Variants in SEPTIN10 observed in about 807,000 individuals in gnomAD.
SEPTIN10 encodes septin 10, also known as septin-10.
A neutral mutation model predicts 54.8 loss-of-function variants in SEPTIN10; 66 were observed. That is an observed-to-expected ratio of 1.21 (90% CI 0.99 to 1.48). The LOEUF is 1.48. Ranked by LOEUF, SEPTIN10 falls within the 40% of genes most tolerant of loss-of-function variation. The pLI is 0.00. For missense variants in SEPTIN10, 620 were observed against 545.6 expected (o/e 1.14, Z -1.36); for synonymous variants, 161 against 181.0 (o/e 0.89, Z 0.89).
At chr2:109,562,097 C>T (rs1311983968) in intron 8 of SEPTIN10, among the ~76,000 whole-genome samples, 1 of 151,958 alleles carries the variant, frequency 6.6e-6, no homozygotes, top group Admixed American at 6.6e-5. Flanking sequence ...CCTATAGTCC[C>T]AGCTACTCAG....
intron 4 of SEPTIN10, among the ~76,000 whole-genome samples, chr2:109,584,636 A>C (rs1449223508): frequency 6.6e-6 from 1 of 152,180 alleles, no homozygotes; most frequent in East Asian, 1.9e-4. Context: ...TATTAAAACA[A>C]ATAGAGACAC....
chr2:109,564,448 T>C lies in SEPTIN10; in HGVS notation c.946A>G (p.Thr316Ala). 6.2e-7 allele frequency: 1 copy of C among 1,600,342 alleles called. No individual in the cohort carries two copies. The highest frequency in any genetic ancestry group is 8.5e-7 in the Non-Finnish European group (1 of 1,171,402). The change falls in exon 8 of 11, where the codon ACC (threonine) becomes GCC (alanine). Residue 316 changes from threonine (T) to alanine (A), a missense_variant. By Grantham distance (58) the Thr-to-Ala change is moderately conservative (BLOSUM62 0). Transcript: ENST00000397712. Reference protein sequence around the residue: ...NMEDLREQTHTRHYELYRRCK... With the variant: ...NMEDLREQTHARHYELYRRCK... ...CGCCTGTAAAGCTCATAGTGCCTGG[T>C]ATGGGTCTGCTCTCGCAGGTCCTCC... is the stretch of plus-strand genomic sequence containing the variant.
At chr2:109,552,857 G>T (rs565708383) in intron 9 of SEPTIN10, 4 of 425,090 alleles carry the variant, frequency 9.4e-6, no homozygotes, top group Non-Finnish European at 1.2e-5. Context: ...GAATTTCAAC[G>T]ATTAGTGACT....
intron 1 of SEPTIN10, among the ~76,000 whole-genome samples, chr2:109,604,179 A>G (rs1415543824): frequency 2.0e-4 from 30 of 147,440 alleles, no homozygotes; most frequent in African/African-American, 6.7e-4. Flanking sequence ...AAAAAAAAAA[A>G]GAATTAAAAA....
chr2:109,611,827 ACCACC>A (rs1699321073), intron 1 of SEPTIN10, among the ~76,000 whole-genome samples: 2 of 152,156 alleles, frequency 1.3e-5, no homozygotes, highest in Admixed American at 1.3e-4. Context: ...AAATAAGGAC[ACCACC>A]AAATGCTGGT....
chr2:109,545,829 G>A, intron 10 of SEPTIN10: 2 of 1,429,662 alleles, frequency 1.4e-6, no homozygotes, highest in Non-Finnish European at 1.8e-6. Flanking sequence ...CATTCATTTT[G>A]GCAAATACTG....
intron 1 of SEPTIN10, chr2:109,604,802 G>A (rs1697564163): frequency 6.6e-6 from 1 of 152,220 alleles, no homozygotes; most frequent in South Asian, 2.1e-4. Flanking sequence ...GAAAATCACA[G>A]TGAGCTCATC....
At chr2:109,593,574 T>G (rs2105965309) in intron 1 of SEPTIN10, among the ~76,000 whole-genome samples, 1 of 152,132 alleles carries the variant, frequency 6.6e-6, no homozygotes, top group East Asian at 1.9e-4. Context: ...CCTGGCTAAT[T>G]TTTGTATTTT....
chr2:109,547,301 G>A (rs903243077), intron 9 of SEPTIN10, among the ~76,000 whole-genome samples: 1 of 150,908 alleles, frequency 6.6e-6, no homozygotes, highest in African/African-American at 2.4e-5. Flanking sequence ...GAATGCAGTC[G>A]CCTCTTTGAG....
chr2:109,597,099 C>T (rs1695467478), intron 1 of SEPTIN10, among the ~76,000 whole-genome samples: 1 of 152,086 alleles, frequency 6.6e-6, no homozygotes, highest in Admixed American at 6.6e-5. Flanking sequence ...TGGCACATCC[C>T]AGCACACTTG....
At chr2:109,603,243 A>T (rs540653559) in intron 1 of SEPTIN10, among the ~76,000 whole-genome samples, 27 of 148,380 alleles carry the variant, frequency 1.8e-4, no homozygotes, top group East Asian at 1.6e-3. Context: ...TAATATTATT[A>T]TTTTTTTTTT....
intron 1 of SEPTIN10, among the ~76,000 whole-genome samples, chr2:109,612,573 CAAATT>C (rs1699485692): frequency 6.6e-6 from 1 of 152,166 alleles, no homozygotes; most frequent in Non-Finnish European, 1.5e-5. Flanking sequence ...AGCCTCAAAG[CAAATT>C]AAGTACAATT....
chr2:109,591,260 A>G (rs1359040879), intron 2 of SEPTIN10, among the ~76,000 whole-genome samples: 1 of 152,218 alleles, frequency 6.6e-6, no homozygotes, highest in Non-Finnish European at 1.5e-5. Context: ...CTTATTACAT[A>G]AAAGTTGAAC....
chr2:109,551,308 C>T (rs905782433), intron 9 of SEPTIN10, among the ~76,000 whole-genome samples: 1 of 152,104 alleles, frequency 6.6e-6, no homozygotes, highest in African/African-American at 2.4e-5. Flanking sequence ...ATTTAAATAA[C>T]AGTCCTTTAA....
rs79975047 is a variant in SEPTIN10 at position 109,585,235 on chromosome 2, T to C, written c.304A>G (p.Asn102Asp). The C allele has an allele frequency of 2.5e-6, 4 of 1,613,064 alleles. No homozygotes were observed. The highest frequency in any genetic ancestry group is 3.4e-6 in the Non-Finnish European group (4 of 1,179,434). The change falls in exon 4 of 11, where the codon AAT (asparagine) becomes GAT (aspartate). Residue 102 changes from asparagine (N) to aspartate (D), a missense_variant. Transcript: ENST00000397712. ...EDYESSHFCP[N>D]VKLKAQTYEL... Reference sequence around the variant, plus strand: ...TATGTCTGAGCTTTAAGTTTAACATTTGGGCAAAAATGTGAGGATTCATAG... The same window carrying C: ...TATGTCTGAGCTTTAAGTTTAACATCTGGGCAAAAATGTGAGGATTCATAG...
chr2:109,587,980 T>C (rs1042481131), intron 2 of SEPTIN10, among the ~76,000 whole-genome samples: 2 of 151,332 alleles, frequency 1.3e-5, no homozygotes, highest in Non-Finnish European at 2.9e-5. Context: ...TAATCCCAGC[T>C]GCTCAGGAGG....
At chr2:109,577,946 T>C (rs928397097) in intron 4 of SEPTIN10, among the ~76,000 whole-genome samples, 13 of 147,402 alleles carry the variant, frequency 8.8e-5, no homozygotes, top group East Asian at 4.0e-4. Context: ...AGTTAATATA[T>C]AATAGCAATC....
chr2:109,608,401 A>T (rs953097282), intron 1 of SEPTIN10, among the ~76,000 whole-genome samples: 1 of 152,216 alleles, frequency 6.6e-6, no homozygotes, highest in Non-Finnish European at 1.5e-5. Flanking sequence ...TATCCCCATA[A>T]ATACAGACCA....
At chr2:109,610,072 G>C (rs756957996) in intron 1 of SEPTIN10, among the ~76,000 whole-genome samples, 11 of 150,696 alleles carry the variant, frequency 7.3e-5, no homozygotes, top group Non-Finnish European at 1.3e-4. Context: ...TTCCTTAAGC[G>C]AGACACTAAA....
Sources: allele counts gnomAD v4.1 joint callset (sites outside exome capture counted in the v4.1 genomes callset), GRCh38; gene constraint gnomAD v4.1.1; transcripts MANE v1.5; gene names NCBI Gene and HGNC (gene_info 2026-07-23, HGNC 2026-07-21).